ARHGAP12: variants seen among roughly 807,000 people sequenced by gnomAD.
The protein encoded by ARHGAP12 is rho GTPase-activating protein 12.
A neutral mutation model predicts 108.6 loss-of-function variants in ARHGAP12; 64 were observed. The ratio of observed to expected loss-of-function variants is 0.59; its 90% CI spans 0.48 to 0.73. The LOEUF is 0.73. Ranked by LOEUF, ARHGAP12 falls within the 30% of genes least tolerant of loss-of-function variation. ARHGAP12 has a pLI of 0.00. For synonymous variants in ARHGAP12, 312 were observed against 337.2 expected (o/e 0.93, Z 0.82); for missense variants, 940 against 1,005.9 (o/e 0.93, Z 0.89).
chr10:31,852,839 G>T (rs572095713), intron 5 of ARHGAP12, among the ~76,000 whole-genome samples: 2 of 139,374 alleles, frequency 1.4e-5, no homozygotes, highest in East Asian at 2.2e-4. Context: ...CAATTCTCCC[G>T]CATCAGCCTC....
intron 15 of ARHGAP12, among the ~76,000 whole-genome samples, chr10:31,812,365 G>C (rs1286965559): frequency 1.3e-5 from 2 of 152,032 alleles, no homozygotes; most frequent in Non-Finnish European, 2.9e-5. Flanking sequence ...TCTATTGTTA[G>C]TGATATTCAA....
chr10:31,895,184 C>G (rs1392883781), intron 3 of ARHGAP12, among the ~76,000 whole-genome samples: 1 of 152,162 alleles, frequency 6.6e-6, no homozygotes, highest in Non-Finnish European at 1.5e-5. Context: ...AGGACATAGG[C>G]ATGGGCAAGG....
At chr10:31,838,509 C>T (rs550309721) in intron 9 of ARHGAP12, among the ~76,000 whole-genome samples, 1 of 152,078 alleles carries the variant, frequency 6.6e-6, no homozygotes, top group South Asian at 2.1e-4. Flanking sequence ...AAGCAAGACC[C>T]CTTATCTCCA....
rs529281463 is a variant in ARHGAP12, at chr10:31,823,476, C to CA, written c.1530+2827dup. 5.5e-3 allele frequency among the ~76,000 whole-genome samples: 704 copies of CA among 128,026 alleles called. 3 individuals carry two copies. The highest frequency in any genetic ancestry group is 0.011 in the African/African-American group (385 of 35,876). 84.0% of individuals were successfully genotyped at this position (128,026 alleles called of 152,430 possible). ...TCAATTTTAACCATCCACTCTCTGC[C>CA]AAAAAAAAAAAAAATCAATACGAAC... On this transcript the variant is annotated intron_variant, in intron 11 of 19. Transcript: ENST00000344936.
In ARHGAP12 at chr10:31,812,834, A is replaced by T. The variant is rs1395476880; in HGVS notation, c.1835-11T>A. ...TAGATACTTTAAAGGCTTAAGACAA[A>T]AAGACAGGTAATGAGCATTTGTAAA... On this transcript the variant is annotated splice_polypyrimidine_tract_variant and intron_variant, in intron 14 of 19. Coordinates refer to ENST00000344936, the MANE Select transcript of ARHGAP12 (RefSeq NM_018287.7). 6.9e-7 allele frequency: 1 copy of T among 1,453,584 alleles called. No individual in the cohort carries two copies. Among genetic ancestry groups the T allele is most frequent in the East Asian group, 2.3e-5 (1 of 43,268 alleles). The allele number at this position is 1,453,584 out of a possible 1,614,324, so 90.0% of individuals were successfully genotyped here. A position where few individuals can be genotyped will look rare whatever the true frequency, so the allele number is the denominator to read the frequency against.
rs116300809 is a variant in ARHGAP12, at chr10:31,915,916, T to C, written c.-110-5353A>G. ...CAAATGTGTGAATAATTAATGCTAT[T>C]TTTACTTAAAAACATAAGCTGTATT... On this transcript the variant is annotated intron_variant, in intron 1 of 19. Coordinates refer to ENST00000344936, the MANE Select transcript of ARHGAP12 (RefSeq NM_018287.7). 3.3e-3 allele frequency among the ~76,000 whole-genome samples: 501 copies of C among 152,336 alleles called. 5 individuals are homozygous for C. Among genetic ancestry groups the C allele is most frequent in the African/African-American group, 0.011 (462 of 41,584 alleles).
chr10:31,847,825 C>T (rs984277059), intron 6 of ARHGAP12, among the ~76,000 whole-genome samples: 4 of 152,142 alleles, frequency 2.6e-5, no homozygotes, highest in Non-Finnish European at 5.9e-5. Context: ...GACTGGGCTT[C>T]ATAACATGTT....
chr10:31,865,877 CAAA>C (rs34210099), intron 3 of ARHGAP12, among the ~76,000 whole-genome samples: 1 of 127,888 alleles, frequency 7.8e-6, no homozygotes, highest in Non-Finnish European at 1.6e-5. Context: ...GACTCCGTCT[CAAA>C]AAAAAAAAAA....
chr10:31,905,297 T>C (rs1839088006), intron 3 of ARHGAP12, among the ~76,000 whole-genome samples: 1 of 152,168 alleles, frequency 6.6e-6, no homozygotes, highest in Admixed American at 6.5e-5. Context: ...GGTCTCACTA[T>C]GTCACTCAGG....
chr10:31,845,974 C>CT (rs1836448329), intron 6 of ARHGAP12, among the ~76,000 whole-genome samples: 1 of 152,030 alleles, frequency 6.6e-6, no homozygotes, highest in Non-Finnish European at 1.5e-5. Context: ...CCTTTCCTAC[C>CT]GTCCTGTGGG....
chr10:31,868,689 A>C (rs146498373), intron 3 of ARHGAP12, among the ~76,000 whole-genome samples: 175 of 152,094 alleles, frequency 1.2e-3, no homozygotes, highest in African/African-American at 4.1e-3. Context: ...TAATCCCAGC[A>C]CCTTGGGAGG....
intron 3 of ARHGAP12, among the ~76,000 whole-genome samples, chr10:31,895,877 G>A (rs1044183989): frequency 7.9e-5 from 12 of 152,100 alleles, no homozygotes; most frequent in Non-Finnish European, 1.0e-4. Context: ...AAGAAAATGT[G>A]GCACATATAT....
chr10:31,889,367 A>T (rs1296005966), intron 3 of ARHGAP12, among the ~76,000 whole-genome samples: 1 of 152,200 alleles, frequency 6.6e-6, no homozygotes, highest in Non-Finnish European at 1.5e-5. Context: ...TGCCAGTCAC[A>T]TAATCATCTA....
rs1837118916 is a variant in ARHGAP12, at chr10:31,861,591, A to G, written c.752T>C (p.Ile251Thr). The G allele has an allele frequency of 1.9e-6, 3 of 1,613,970 alleles. No homozygotes were observed. The African/African-American group carries it at 4.0e-5, about 22-fold the overall frequency. Residue 251 changes from isoleucine (I) to threonine (T), a missense_variant, in exon 4 of 20, where the codon ATA becomes ACA. By Grantham distance (89) the Ile-to-Thr change is moderately conservative. Coordinates refer to ENST00000344936, the MANE Select transcript of ARHGAP12 (RefSeq NM_018287.7). ...PVYANLQELK[I>T]SQSALPPLPG... ...AAGTGGGGGAAGAGCAGACTGGGAT[A>G]TTTTCAGTTCTTGAAGGTTAGCATA...
At chr10:31,810,603 C>G (rs1284490530) in intron 16 of ARHGAP12, 46 bp downstream of exon 16, 2 of 1,308,098 alleles carry the variant, frequency 1.5e-6, no homozygotes, top group African/African-American at 3.1e-5. Context: ...AAACAAGAAG[C>G]TGGTTTGCTT....
rs1362939012 is a variant in ARHGAP12, at chr10:31,826,381, T to C, written c.1453A>G (p.Asn485Asp). ...AACACCGCCCAAGAAGACAACCAGT[T>C]CTTTCTGTAATTATAAAGATGACCG... is the stretch of plus-strand genomic sequence containing the variant. Reference protein sequence around the residue: ...IAENGKKVRKNWLSSWAVLQG... With the variant: ...IAENGKKVRKDWLSSWAVLQG... The change falls in exon 11 of 20, where the codon AAC becomes GAC. Residue 485 changes from asparagine (N) to aspartate (D), a missense_variant. Coordinates refer to ENST00000344936, the MANE Select transcript of ARHGAP12 (RefSeq NM_018287.7). 1 of 1,609,124 alleles carries C rather than the reference T, an allele frequency of 6.2e-7. No individual in the cohort carries two copies. Among genetic ancestry groups the C allele is most frequent in the African/African-American group, 1.3e-5 (1 of 74,636 alleles).
chr10:31,828,182 C>T (rs1835691374), intron 10 of ARHGAP12, among the ~76,000 whole-genome samples: 1 of 149,572 alleles, frequency 6.7e-6, no homozygotes, highest in South Asian at 2.1e-4. Context: ...TATCCCTAGT[C>T]TTGCTTTACT....
chr10:31,869,808 G>A (rs767535869), intron 3 of ARHGAP12, among the ~76,000 whole-genome samples: 1 of 151,950 alleles, frequency 6.6e-6, no homozygotes, highest in Admixed American at 6.6e-5. Context: ...CTTCTGCATC[G>A]TTACTTTTTT....
At chr10:31,868,697 A>T (rs2132328360) in intron 3 of ARHGAP12, among the ~76,000 whole-genome samples, 1 of 151,556 alleles carries the variant, frequency 6.6e-6, no homozygotes, top group Non-Finnish European at 1.5e-5. Context: ...GCACCTTGGG[A>T]GGTTGAGGCG....
Sources: allele counts gnomAD v4.1 joint callset (sites outside exome capture counted in the v4.1 genomes callset), GRCh38; gene constraint gnomAD v4.1.1; transcripts MANE v1.5; gene names NCBI Gene and HGNC (gene_info 2026-07-23, HGNC 2026-07-21).